The following MAP3K20 variants were observed in gnomAD, a reference collection of about 807,000 sequenced individuals.
MAP3K20 encodes HCCS-4.
In MAP3K20, 40 loss-of-function variants were observed where a neutral mutation model predicts 85.7. The ratio of observed to expected loss-of-function variants is 0.47; its 90% confidence interval spans 0.36 to 0.61. The LOEUF (loss-of-function observed/expected upper bound fraction) is 0.61. Among genes scored for constraint, MAP3K20 ranks in the 20% least tolerant of loss-of-function variants. The pLI is 0.00. For synonymous variants in MAP3K20, 325 were observed against 327.7 expected (o/e 0.99, Z 0.09); for missense variants, 817 against 961.7 (o/e 0.85, Z 1.99).
intron 7 of MAP3K20, among the ~76,000 whole-genome samples, chr2:173,197,438 T>G (rs1183679058): frequency 6.6e-6 from 1 of 152,190 alleles, no homozygotes; most frequent in Non-Finnish European, 1.5e-5. Flanking sequence ...TGTAGGTAGA[T>G]GAAAATAGAT....
chr2:173,229,656 T>A, intron 11 of MAP3K20, 33 bp from the exon 12 acceptor site: 1 of 1,613,006 alleles, frequency 6.2e-7, no homozygotes, highest in South Asian at 1.1e-5. Flanking sequence ...AATATTACTT[T>A]TTTTTTTCAT....
chr2:173,149,089 T>C (rs567196891), intron 2 of MAP3K20, among the ~76,000 whole-genome samples: 2 of 152,356 alleles, frequency 1.3e-5, no homozygotes, highest in African/African-American at 4.8e-5. Flanking sequence ...GGTAGAAATA[T>C]TTATAATGAT....
At chr2:173,152,605 T>G (rs545488912) in intron 2 of MAP3K20, among the ~76,000 whole-genome samples, 9 of 152,196 alleles carry the variant, frequency 5.9e-5, no homozygotes, top group African/African-American at 1.9e-4. Context: ...TAGTAAGGTG[T>G]TAAGTAGAGT....
chr2:173,155,147 G>A (rs1013914641), intron 2 of MAP3K20, among the ~76,000 whole-genome samples: 1 of 151,868 alleles, frequency 6.6e-6, no homozygotes, highest in Non-Finnish European at 1.5e-5. Context: ...GAAGGGGAGG[G>A]GTACATTTTT....
At chr2:173,260,186 G>A (rs1388400288) in intron 17 of MAP3K20, among the ~76,000 whole-genome samples, 2 of 152,158 alleles carry the variant, frequency 1.3e-5, no homozygotes, top group Non-Finnish European at 2.9e-5. Flanking sequence ...AGACAACATG[G>A]TGAAACCCCA....
chr2:173,232,611 C>A, intron 14 of MAP3K20, 152 bp downstream of exon 14: 1 of 1,208,590 alleles, frequency 8.3e-7, no homozygotes, highest in Non-Finnish European at 1.2e-6. Context: ...TCAAGTGATT[C>A]TCCTGCCTCA....
chr2:173,161,813 G>T (rs561787093), intron 2 of MAP3K20, among the ~76,000 whole-genome samples: 1 of 152,112 alleles, frequency 6.6e-6, no homozygotes, highest in South Asian at 2.1e-4. Context: ...CTGAATGAAC[G>T]CTGGTTTGTT....
At chr2:173,250,448 A>G (rs925351476) in intron 16 of MAP3K20, among the ~76,000 whole-genome samples, 3 of 152,248 alleles carry the variant, frequency 2.0e-5, no homozygotes, top group Admixed American at 6.5e-5. Context: ...GCTCTGTGTC[A>G]GCCTTGTTTT....
In MAP3K20 at chr2:173,239,478, A is replaced by G. The variant is rs1449922026; in HGVS notation, c.1341A>G (p.Lys447=). Residue 447 remains lysine, a synonymous_variant, in exon 16 of 20, where the codon AAA becomes AAG. Transcript: ENST00000375213. ...NLELVFGFHL[K]PGTGPQDCKW... The stretch of plus-strand genomic sequence containing the variant: ...AACTGGTTTTTGGTTTTCACTTGAA[A>G]CCAGGAACTGGCCCACAGGTAAATC... 1 of 1,612,938 alleles carries G rather than the reference A, an allele frequency of 6.2e-7. No individual in the cohort carries two copies. Among genetic ancestry groups the G allele is most frequent in the Non-Finnish European group, 8.5e-7 (1 of 1,179,774 alleles).
chr2:173,222,415 A>G, intron 11 of MAP3K20: 2 of 985,846 alleles, frequency 2.0e-6, no homozygotes, highest in African/African-American at 1.7e-5. Context: ...CCAACAGCAG[A>G]TGTTGCAAAC....
rs1454141948 is a variant in MAP3K20 at position 173,198,065 on chromosome 2, G to A, written c.622G>A (p.Gly208Ser). 1.2e-6 allele frequency: 2 copies of A among 1,613,088 alleles called. No individual in the cohort carries two copies. Among genetic ancestry groups the A allele is most frequent in the African/African-American group, 1.3e-5 (1 of 74,990 alleles). ...EMLTREVPFK[G>S]LEGLQVAWLV... ...GCTAACAAGGGAGGTCCCCTTTAAAGGTTTGGAAGGATTACAAGTAGCTTG... is the reference window on the plus strand; with the variant it reads ...GCTAACAAGGGAGGTCCCCTTTAAAAGTTTGGAAGGATTACAAGTAGCTTG... The change falls in exon 8 of 20, where the codon GGT (glycine) becomes AGT (serine). Residue 208 changes from glycine (G) to serine (S), a missense_variant. Transcript: ENST00000375213. The surrounding 1 kb of genome is among the most constrained non-coding windows in gnomAD (Gnocchi z 5.8).
chr2:173,081,365 ACAGCTGTTTATTCAT>A (rs1415904408), intron 1 of MAP3K20, among the ~76,000 whole-genome samples: 1 of 152,048 alleles, frequency 6.6e-6, no homozygotes, highest in African/African-American at 2.4e-5. Context: ...ATGCTGTAGG[ACAGCTGTTTATTCAT>A]ATCACCTTCT....
intron 11 of MAP3K20, chr2:173,222,534 G>C: frequency 1.0e-6 from 1 of 985,744 alleles, no homozygotes; most frequent in Non-Finnish European, 1.2e-6. Context: ...GATGCTTCCA[G>C]GGGGGTGAGT....
chr2:173,246,268 T>C (rs1382713181), intron 16 of MAP3K20, among the ~76,000 whole-genome samples: 1 of 152,160 alleles, frequency 6.6e-6, no homozygotes, highest in East Asian at 1.9e-4. Flanking sequence ...GAAGATACCA[T>C]TGTCCTCCAA....
chr2:173,224,168 T>C (rs1218522460), intron 11 of MAP3K20: 26 of 871,090 alleles, frequency 3.0e-5, no homozygotes, highest in Non-Finnish European at 3.6e-5. Flanking sequence ...ACAAGGCCCA[T>C]GGGTGGGTGT....
At chr2:173,076,057 C>A (rs1342941764) in intron 1 of MAP3K20, 55 bp downstream of exon 1, 15 of 977,220 alleles carry the variant, frequency 1.5e-5, no homozygotes, top group Non-Finnish European at 1.8e-5. Flanking sequence ...CGAGGCCCGC[C>A]GCGCTCGCGA....
chr2:173,123,949 C>T (rs1688369676), intron 2 of MAP3K20, among the ~76,000 whole-genome samples: 1 of 152,150 alleles, frequency 6.6e-6, no homozygotes, highest in Non-Finnish European at 1.5e-5. Flanking sequence ...ATTCATTGTA[C>T]CCTACAATCT....
intron 2 of MAP3K20, among the ~76,000 whole-genome samples, chr2:173,116,577 G>A (rs1350959232): frequency 1.3e-5 from 2 of 152,092 alleles, no homozygotes; most frequent in Admixed American, 1.3e-4. Context: ...TACTTAAATT[G>A]CTTTGGCCGC....
chr2:173,219,861 G>A (rs775138232), intron 11 of MAP3K20, among the ~76,000 whole-genome samples: 14 of 152,066 alleles, frequency 9.2e-5, no homozygotes, highest in Admixed American at 2.0e-4. Context: ...GAGGTCAGGC[G>A]TTCAAGACCA....
Sources: allele counts gnomAD v4.1 joint callset (sites outside exome capture counted in the v4.1 genomes callset), GRCh38; gene constraint gnomAD v4.1.1; non-coding constraint Gnocchi (gnomAD v3.1); transcripts MANE v1.5; gene names NCBI Gene and HGNC (gene_info 2026-07-23, HGNC 2026-07-21).